Variants in AXDND1 observed in about 807,000 individuals in gnomAD.
The protein encoded by AXDND1 is axonemal dynein light chain domain-containing protein 1.
In AXDND1, 110 loss-of-function variants were observed where a neutral mutation model predicts 137.5. The observed-to-expected ratio is 0.80, with a 90% CI of 0.69 to 0.94. AXDND1 has a LOEUF of 0.94. Among genes scored for constraint, AXDND1 ranks in the 40% least tolerant of loss-of-function variants. The pLI, the probability that AXDND1 is intolerant of heterozygous loss-of-function variation, is 0.00. For missense variants in AXDND1, 1,191 were observed against 1,169.8 expected (o/e 1.02, Z -0.26); for synonymous variants, 414 against 399.7 (o/e 1.04, Z -0.43).
At chr1:179,487,995 CAAAAAAAAA>C (rs71114524) in intron 18 of AXDND1, among the ~76,000 whole-genome samples, 4 of 101,502 alleles carry the variant, frequency 3.9e-5, no homozygotes, top group Non-Finnish European at 7.8e-5. Context: ...GACCATGTCT[CAAAAAAAAA>C]AAAAAAAAAA....
At chr1:179,486,890 A>G (rs1666144621) in intron 18 of AXDND1, among the ~76,000 whole-genome samples, 1 of 148,692 alleles carries the variant, frequency 6.7e-6, no homozygotes, top group African/African-American at 2.6e-5. Flanking sequence ...GGGTATTTAG[A>G]CTACTATAAA....
intron 16 of AXDND1, among the ~76,000 whole-genome samples, chr1:179,467,919 G>C (rs1663424369): frequency 6.6e-6 from 1 of 152,032 alleles, no homozygotes; most frequent in Non-Finnish European, 1.5e-5. Context: ...ATCTCATAGT[G>C]AATCAGTCCA....
At chr1:179,473,636 G>T (rs1664243270) in intron 17 of AXDND1, among the ~76,000 whole-genome samples, 2 of 151,948 alleles carry the variant, frequency 1.3e-5, no homozygotes, top group Non-Finnish European at 2.9e-5. Flanking sequence ...ATTTGATATG[G>T]TTTGGCTCTG....
At chr1:179,552,582 G>T in intron 25 of AXDND1, 1 of 1,605,784 alleles carries the variant, frequency 6.2e-7, no homozygotes, top group Non-Finnish European at 8.5e-7. Context: ...GGCAGTCTGG[G>T]TGGGAGGATG....
chr1:179,413,836 G>A (rs1175915001), intron 12 of AXDND1, among the ~76,000 whole-genome samples: 4 of 152,034 alleles, frequency 2.6e-5, no homozygotes, highest in South Asian at 2.1e-4. Context: ...TTCCACAGGG[G>A]TTGAACTAAT....
intron 11 of AXDND1, among the ~76,000 whole-genome samples, chr1:179,395,844 C>T (rs928584639): frequency 6.6e-6 from 1 of 152,086 alleles, no homozygotes; most frequent in Admixed American, 6.5e-5. Context: ...TTTCACACCC[C>T]ATTTTTAGGA....
chr1:179,550,579 G>A (rs975009497), intron 25 of AXDND1: 1 of 152,788 alleles, frequency 6.5e-6, no homozygotes, highest in African/African-American at 2.4e-5. Context: ...TTGTATATCC[G>A]ACTCCAAGTA....
chr1:179,534,893 G>C lies in AXDND1; in HGVS notation c.2962G>C (p.Glu988Gln). ...AAATCAAGATGAAAGAGAAGTAAAA[G>C]AAGAAGAAGAACAACAAGAAGAAGA... ...KENQDEREVK[E>Q]EEEQQEEEEV... Residue 988 changes from glutamate (E) to glutamine (Q), a missense_variant, in exon 25 of 26, where the codon GAA (glutamate) becomes CAA (glutamine). Glu to Gln is a conservative substitution (Grantham distance 29). Transcript: ENST00000367618. The C allele has an allele frequency of 1.5e-6, 1 of 662,092 alleles. No individual in the cohort carries two copies. Among genetic ancestry groups the C allele is most frequent in the Non-Finnish European group, 2.1e-6 (1 of 470,738 alleles). 41.0% of individuals were successfully genotyped at this position (662,092 alleles called of 1,614,324 possible).
intron 9 of AXDND1, among the ~76,000 whole-genome samples, chr1:179,385,688 A>G (rs1649085099): frequency 1.3e-5 from 2 of 152,170 alleles, no homozygotes; most frequent in African/African-American, 4.8e-5. Flanking sequence ...GGAGACACCA[A>G]GTCAGTCATG....
chr1:179,446,921 T>TA (rs1659814801), intron 16 of AXDND1, among the ~76,000 whole-genome samples: 1 of 151,652 alleles, frequency 6.6e-6, no homozygotes, highest in Non-Finnish European at 1.5e-5. Flanking sequence ...ATTTTACTTT[T>TA]AAAAATTGAT....
intron 20 of AXDND1, among the ~76,000 whole-genome samples, chr1:179,502,822 G>A (rs11590679): frequency 0.34 from 51,599 of 151,444 alleles, 8,753 homozygotes; most frequent in East Asian, 0.4. Flanking sequence ...CTGGCCAGGC[G>A]TGGTGGCTCA....
Position 179,429,630 on chromosome 1 carries a change from A to G in AXDND1, c.1332+11A>G, listed in dbSNP as rs1319785664. 11 of 1,499,696 alleles carry G rather than the reference A, an allele frequency of 7.3e-6. No individual in the cohort carries two copies. The highest frequency in any genetic ancestry group is 2.4e-5 in the East Asian group (1 of 40,940). 92.9% of individuals were successfully genotyped at this position (1,499,696 alleles called of 1,614,324 possible). A position where few individuals can be genotyped will look rare whatever the true frequency, so the allele number is the denominator to read the frequency against. ...CTGCTATCAAACAAGGTAAAGGTCA[A>G]TTATCTTCAGTTATGGGAAAAAAAG... On this transcript the variant is annotated intron_variant, in intron 13 of 25. Coordinates refer to ENST00000367618, the MANE Select transcript of AXDND1 (RefSeq NM_144696.6).
intron 15 of AXDND1, among the ~76,000 whole-genome samples, chr1:179,437,301 C>T (rs4360491): frequency 0.21 from 31,269 of 151,930 alleles, 3,414 homozygotes; most frequent in Non-Finnish European, 0.24. Context: ...AGAAAGGGGG[C>T]GGGTGATTGT....
In AXDND1 at chr1:179,402,151, C is replaced by T. The variant is rs140782181; in HGVS notation, c.1109+6949C>T. ...CATGCACTCCAGCCTGGCAACAGAGCGAGACTCCGTCTCAAAAAAAAAAAA... is the reference window on the plus strand; with the variant it reads ...CATGCACTCCAGCCTGGCAACAGAGTGAGACTCCGTCTCAAAAAAAAAAAA... On this transcript the variant is annotated intron_variant, in intron 11 of 25. Coordinates refer to ENST00000367618, the MANE Select transcript of AXDND1 (RefSeq NM_144696.6). Among the ~76,000 whole-genome samples the T allele has an allele frequency of 9.4e-3, 1,246 of 132,734 alleles. 13 individuals carry two copies. The highest frequency in any genetic ancestry group is 0.015 in the Non-Finnish European group (967 of 64,314). The allele number at this position is 132,734 out of a possible 152,430, so 87.1% of individuals were successfully genotyped here.
At chr1:179,411,097 A>G (rs1379287983) in intron 11 of AXDND1, 49 bp from the exon 12 acceptor site, 4 of 1,406,668 alleles carry the variant, frequency 2.8e-6, no homozygotes, top group South Asian at 2.7e-5. Context: ...ATATGTGTCT[A>G]TATTGTTAGT....
chr1:179,421,682 C>G (rs954121341), intron 12 of AXDND1, among the ~76,000 whole-genome samples: 2 of 151,816 alleles, frequency 1.3e-5, no homozygotes, highest in Non-Finnish European at 2.9e-5. Context: ...ATGCCTGGAC[C>G]TTTATCTTTT....
At chr1:179,444,946 C>T in intron 15 of AXDND1, 24 bp from the exon 16 acceptor site, 1 of 1,510,184 alleles carries the variant, frequency 6.6e-7, no homozygotes, top group Non-Finnish European at 9.2e-7. Context: ...ATATGCTACT[C>T]TCCCTCTTCC....
intron 19 of AXDND1, among the ~76,000 whole-genome samples, chr1:179,492,643 A>G (rs768964294): frequency 6.6e-6 from 1 of 152,146 alleles, no homozygotes; most frequent in Non-Finnish European, 1.5e-5. Context: ...GTCAAGAATA[A>G]GAGGGATGGA....
chr1:179,437,971 G>A (rs1454012963), intron 15 of AXDND1, among the ~76,000 whole-genome samples: 1 of 152,024 alleles, frequency 6.6e-6, no homozygotes, highest in Non-Finnish European at 1.5e-5. Flanking sequence ...GACCAGTATG[G>A]TGAAACCCTG....
Sources: gnomAD v4.1 joint callset for allele counts (sites outside exome capture counted in the v4.1 genomes callset) on GRCh38, gnomAD v4.1.1 for gene constraint, MANE v1.5 for transcripts, NCBI Gene and HGNC (gene_info 2026-07-23, HGNC 2026-07-21) for gene names.